PDE7B: variants seen among roughly 807,000 people sequenced by gnomAD.
PDE7B encodes 3',5'-cyclic-AMP phosphodiesterase 7B.
In PDE7B, 29 loss-of-function variants were observed where a neutral mutation model predicts 56.2. The ratio of observed to expected loss-of-function variants is 0.52; its 90% CI spans 0.38 to 0.70. The LOEUF (loss-of-function observed/expected upper bound fraction) is 0.70. Ranked by LOEUF, PDE7B falls within the 30% of genes least tolerant of loss-of-function variation. PDE7B has a pLI of 0.00. For missense variants in PDE7B, 490 were observed against 565.0 expected (o/e 0.87, Z 1.35); for synonymous variants, 197 against 196.9 (o/e 1.00, Z 0.00).
At chr6:136,116,817 A>T (rs1195870925) in intron 3 of PDE7B, among the ~76,000 whole-genome samples, 2 of 152,242 alleles carry the variant, frequency 1.3e-5, no homozygotes, top group Admixed American at 1.3e-4. Flanking sequence ...GGCGTCATGA[A>T]GTCAACCAAC....
intron 3 of PDE7B, among the ~76,000 whole-genome samples, chr6:136,109,228 T>G (rs1777705763): frequency 6.6e-6 from 1 of 152,050 alleles, no homozygotes; most frequent in African/African-American, 2.4e-5. Flanking sequence ...CCCAGCTACT[T>G]AATTGGGGGC....
At chr6:136,186,620 C>T (rs2128452299) in intron 11 of PDE7B, among the ~76,000 whole-genome samples, 1 of 152,266 alleles carries the variant, frequency 6.6e-6, no homozygotes, top group African/African-American at 2.4e-5. Flanking sequence ...TGGTTGTCCT[C>T]AGGTGAAACA....
chr6:136,181,414 A>T (rs1779064968), intron 11 of PDE7B, 91 bp downstream of exon 11: 1 of 804,550 alleles, frequency 1.2e-6, no homozygotes, highest in African/African-American at 1.7e-5. Flanking sequence ...ATCTATCATG[A>T]CATTTGTTCT....
In PDE7B at chr6:136,147,443, G is replaced by C; in HGVS notation, c.259G>C (p.Gly87Arg). 1 of 1,613,854 alleles carries C rather than the reference G, an allele frequency of 6.2e-7. No homozygotes were observed. The highest frequency in any genetic ancestry group is 8.5e-7 in the Non-Finnish European group (1 of 1,179,800). ...CTTCCATGCATCAAGGCTGCTTCGT[G>C]GAATTATACCACAAGCCCCTCTGCA... The part of the protein sequence containing the change: ...RYFHASRLLR[G>R]IIPQAPLHLL... The change falls in exon 4 of 13, where the codon GGA becomes CGA. Residue 87 changes from glycine to arginine, a missense_variant. Gly to Arg is a moderately radical substitution (Grantham distance 125). Transcript: ENST00000308191.
At chr6:136,147,025 G>C (rs376929657) in intron 3 of PDE7B, among the ~76,000 whole-genome samples, 90 of 152,134 alleles carry the variant, frequency 5.9e-4, no homozygotes, top group African/African-American at 2.1e-3. Flanking sequence ...GCCTGTAGTA[G>C]CATCTACTCA....
chr6:135,960,188 G>A (rs1182587599), intron 2 of PDE7B, among the ~76,000 whole-genome samples: 8 of 152,054 alleles, frequency 5.3e-5, no homozygotes, highest in South Asian at 2.1e-4. Flanking sequence ...GAATTTTGAC[G>A]GACAGGTCTC....
chr6:136,147,331 G>C lies in PDE7B; in HGVS notation c.167-20G>C. On this transcript the variant is annotated intron_variant, in intron 3 of 12. Transcript: ENST00000308191. ...TCTCTTTTAAATATATAAATTTCTT[G>C]ACTTGATGACTTTCCACAGGTACAA... 6.4e-7 allele frequency: 1 copy of C among 1,568,904 alleles called. No individual in the cohort carries two copies. The highest frequency in any genetic ancestry group is 8.7e-7 in the Non-Finnish European group (1 of 1,148,316).
chr6:135,976,238 C>T (rs1775184515), intron 2 of PDE7B, among the ~76,000 whole-genome samples: 1 of 152,158 alleles, frequency 6.6e-6, no homozygotes, highest in African/African-American at 2.4e-5. Context: ...AACTTTTACA[C>T]TCTATTCCTC....
chr6:136,189,293 G>A (rs1291788921), intron 12 of PDE7B, among the ~76,000 whole-genome samples: 1 of 152,196 alleles, frequency 6.6e-6, no homozygotes, highest in Non-Finnish European at 1.5e-5. Flanking sequence ...GCCAGGCGGG[G>A]TGACTCATGC....
intron 3 of PDE7B, among the ~76,000 whole-genome samples, chr6:136,131,494 GT>G (rs1201361799): frequency 0.013 from 1,090 of 84,724 alleles, 4 homozygotes; most frequent in African/African-American, 0.039. Context: ...ATCCTGGCAG[GT>G]TTTTTTTTTT....
At chr6:136,003,971 G>C (rs1316978646) in intron 2 of PDE7B, among the ~76,000 whole-genome samples, 1 of 151,912 alleles carries the variant, frequency 6.6e-6, no homozygotes, top group African/African-American at 2.4e-5. Context: ...CTGGCAAACC[G>C]AATCCAGCAG....
At chr6:136,049,673 G>T (rs912199383) in intron 2 of PDE7B, among the ~76,000 whole-genome samples, 1 of 152,106 alleles carries the variant, frequency 6.6e-6, no homozygotes, top group African/African-American at 2.4e-5. Context: ...GAGAAATTTG[G>T]TGAGGGAATA....
At chr6:136,087,917 T>C (rs1043868761) in intron 2 of PDE7B, among the ~76,000 whole-genome samples, 5 of 152,062 alleles carry the variant, frequency 3.3e-5, no homozygotes, top group African/African-American at 1.2e-4. Flanking sequence ...TTTAAATAAA[T>C]AAAATAAATA....
chr6:135,855,885 G>A (rs1313600905), intron 1 of PDE7B, among the ~76,000 whole-genome samples: 1 of 151,818 alleles, frequency 6.6e-6, no homozygotes, highest in Non-Finnish European at 1.5e-5. Flanking sequence ...AACTCTCATG[G>A]TGGCTCGGAA....
intron 3 of PDE7B, among the ~76,000 whole-genome samples, chr6:136,134,945 G>A (rs1778186981): frequency 6.6e-6 from 1 of 151,222 alleles, no homozygotes; most frequent in Non-Finnish European, 1.5e-5. Flanking sequence ...AGAACATAAA[G>A]GAAAAATGGC....
At chr6:135,987,115 C>T (rs1250534968) in intron 2 of PDE7B, among the ~76,000 whole-genome samples, 2 of 152,176 alleles carry the variant, frequency 1.3e-5, no homozygotes, top group Non-Finnish European at 2.9e-5. Context: ...CTACAACTTG[C>T]CTTCCAAACA....
chr6:135,952,106 C>A (rs1774712503), intron 2 of PDE7B, among the ~76,000 whole-genome samples: 1 of 152,032 alleles, frequency 6.6e-6, no homozygotes, highest in African/African-American at 2.4e-5. Context: ...CTTCCTAGCC[C>A]AGGGGTTTTT....
chr6:135,984,647 T>C (rs935001514), intron 2 of PDE7B, among the ~76,000 whole-genome samples: 2 of 152,074 alleles, frequency 1.3e-5, no homozygotes, highest in Non-Finnish European at 2.9e-5. Flanking sequence ...TGGGGTTTAA[T>C]ATGAGAAAAA....
chr6:135,955,212 G>A (rs1051647835), intron 2 of PDE7B, among the ~76,000 whole-genome samples: 4 of 151,980 alleles, frequency 2.6e-5, no homozygotes, highest in African/African-American at 9.7e-5. Flanking sequence ...TAGTGACACA[G>A]GGACGACCAC....
Sources: gnomAD v4.1 joint callset for allele counts (sites outside exome capture counted in the v4.1 genomes callset) on GRCh38, gnomAD v4.1.1 for gene constraint, MANE v1.5 for transcripts, NCBI Gene and HGNC (gene_info 2026-07-23, HGNC 2026-07-21) for gene names.